The following COL4A1 variants were observed in gnomAD, a reference collection of about 807,000 sequenced individuals.
The protein encoded by COL4A1 is collagen alpha-1(IV) chain.
Under a neutral mutation model 216.6 loss-of-function variants are expected in COL4A1, and 40 were observed. The ratio of observed to expected loss-of-function variants is 0.18; its 90% confidence interval spans 0.14 to 0.24. COL4A1 has a LOEUF of 0.24. Ranked by LOEUF, COL4A1 falls within the 10% of genes least tolerant of loss-of-function variation. The pLI, the probability that COL4A1 is intolerant of heterozygous loss-of-function variation, is 1.00. For missense variants in COL4A1, 1,628 were observed against 2,196.8 expected, an observed-to-expected ratio of 0.74 and a Z score of 5.18; for synonymous variants, 839 against 810.7, an observed-to-expected ratio of 1.03 and a Z score of -0.59.
At chr13:110,223,607 C>G (rs766358359) in intron 2 of COL4A1, among the ~76,000 whole-genome samples, 5 of 152,242 alleles carry the variant, frequency 3.3e-5, no homozygotes, top group Non-Finnish European at 7.3e-5. Context: ...TGGAACCTCA[C>G]TTGCTGCAGC....
intron 1 of COL4A1, among the ~76,000 whole-genome samples, chr13:110,290,916 G>A (rs976852220): frequency 2.0e-5 from 3 of 152,198 alleles, no homozygotes; most frequent in South Asian, 2.1e-4. Flanking sequence ...AGTGAAACTC[G>A]GCAGGGGGGT....
chr13:110,261,440 C>G (rs1594100072), intron 1 of COL4A1, among the ~76,000 whole-genome samples: 1 of 152,216 alleles, frequency 6.6e-6, no homozygotes. Context: ...GAAGTGCTAC[C>G]GCTGTTTAGA....
chr13:110,235,512 A>G (rs555790715), intron 2 of COL4A1, among the ~76,000 whole-genome samples: 12 of 151,988 alleles, frequency 7.9e-5, no homozygotes, highest in South Asian at 4.2e-4. Context: ...TTAGCCTGGC[A>G]TGGTGGCGGG....
At chr13:110,250,733 G>T (rs1290201920) in intron 1 of COL4A1, among the ~76,000 whole-genome samples, 2 of 152,160 alleles carry the variant, frequency 1.3e-5, no homozygotes, top group Non-Finnish European at 2.9e-5. Context: ...AAACACTGTT[G>T]GGAGGCATGA....
chr13:110,214,164 T>G (rs1879958223), intron 2 of COL4A1, 149 bp from the exon 3 acceptor site: 3 of 698,022 alleles, frequency 4.3e-6, no homozygotes, highest in Non-Finnish European at 7.5e-6. Flanking sequence ...CGATCTCGGC[T>G]CACTGCAAAG....
At chr13:110,239,791 T>C (rs1203708625) in intron 2 of COL4A1, among the ~76,000 whole-genome samples, 1 of 152,184 alleles carries the variant, frequency 6.6e-6, no homozygotes, top group African/African-American at 2.4e-5. Flanking sequence ...CAGCCTAGAG[T>C]ACATTTCTTT....
At chr13:110,232,634 AT>A (rs1881115617) in intron 2 of COL4A1, among the ~76,000 whole-genome samples, 2 of 152,114 alleles carry the variant, frequency 1.3e-5, no homozygotes, top group Admixed American at 6.5e-5. Flanking sequence ...ACAAAAAAAT[AT>A]TTTTTCCCAT....
At chr13:110,292,375 G>A (rs1884122594) in intron 1 of COL4A1, among the ~76,000 whole-genome samples, 1 of 152,172 alleles carries the variant, frequency 6.6e-6, no homozygotes, top group Non-Finnish European at 1.5e-5. Flanking sequence ...CCCCAAAAGA[G>A]GCCATGCTGT....
At chr13:110,168,415 G>C (rs1173548796) in intron 43 of COL4A1, among the ~76,000 whole-genome samples, 1 of 152,206 alleles carries the variant, frequency 6.6e-6, no homozygotes, top group Non-Finnish European at 1.5e-5. Context: ...CTGCAATATA[G>C]CAATAGGGGC....
chr13:110,175,761 G>A (rs764377651), intron 36 of COL4A1, among the ~76,000 whole-genome samples: 1 of 152,186 alleles, frequency 6.6e-6, no homozygotes, highest in Non-Finnish European at 1.5e-5. Flanking sequence ...GTGCACACTC[G>A]GTTCTGTGAT....
intron 17 of COL4A1, among the ~76,000 whole-genome samples, chr13:110,204,836 T>C (rs1032314750): frequency 6.6e-6 from 1 of 152,170 alleles, no homozygotes; most frequent in Non-Finnish European, 1.5e-5. Flanking sequence ...CTTGTAAGCA[T>C]ACAAATTTGG....
chr13:110,170,129 G>GAAGGAAGGAAA (rs1877560738), intron 42 of COL4A1, among the ~76,000 whole-genome samples: 3 of 21,856 alleles, frequency 1.4e-4, no homozygotes, highest in African/African-American at 3.2e-4. Context: ...AAGGAAGGAA[G>GAAGGAAGGAAA]GAAGGAAGGA....
chr13:110,263,825 G>A (rs1006820014), intron 1 of COL4A1, among the ~76,000 whole-genome samples: 2 of 152,150 alleles, frequency 1.3e-5, no homozygotes, highest in Non-Finnish European at 2.9e-5. Context: ...TTAAAGAAAT[G>A]TAAGTTTAGG....
intron 1 of COL4A1, among the ~76,000 whole-genome samples, chr13:110,258,420 G>A (rs1260986927): frequency 6.6e-6 from 1 of 152,084 alleles, no homozygotes; most frequent in African/African-American, 2.4e-5. Context: ...CACGCCTGTA[G>A]TCCCAGATAC....
At chr13:110,230,139 TG>T (rs761788428) in intron 2 of COL4A1, among the ~76,000 whole-genome samples, 336 of 30,490 alleles carry the variant, frequency 0.011, 1 homozygote, top group Non-Finnish European at 0.021. Flanking sequence ...GGGGGAGGGC[TG>T]GGAGGTTCCT....
intron 2 of COL4A1, among the ~76,000 whole-genome samples, chr13:110,235,302 T>C (rs1881259450): frequency 6.6e-6 from 1 of 152,096 alleles, no homozygotes; most frequent in African/African-American, 2.4e-5. Context: ...TTTAAAACAA[T>C]GGTTAATATA....
chr13:110,154,968 G>A (rs762592296), intron 50 of COL4A1, among the ~76,000 whole-genome samples: 4 of 152,244 alleles, frequency 2.6e-5, no homozygotes, highest in Non-Finnish European at 5.9e-5. Flanking sequence ...TGCTGGAACA[G>A]ACCCGTAGAG....
chr13:110,301,604 A>C (rs1884496100), intron 1 of COL4A1, among the ~76,000 whole-genome samples: 1 of 152,200 alleles, frequency 6.6e-6, no homozygotes, highest in South Asian at 2.1e-4. Flanking sequence ...GATAGTCAAC[A>C]ATATTTCACA....
intron 1 of COL4A1, among the ~76,000 whole-genome samples, chr13:110,250,054 C>T (rs1232799202): frequency 6.6e-6 from 1 of 151,912 alleles, no homozygotes; most frequent in African/African-American, 2.4e-5. Flanking sequence ...TCATTAACTC[C>T]CCTGAAAGGA....
Sources: allele counts gnomAD v4.1 joint callset (sites outside exome capture counted in the v4.1 genomes callset), GRCh38; gene constraint gnomAD v4.1.1; transcripts MANE v1.5; gene names NCBI Gene and HGNC (gene_info 2026-07-23, HGNC 2026-07-21).